EPHB1: variants seen among roughly 807,000 people sequenced by gnomAD.
EPHB1 encodes ephrin type-B receptor 1.
Under a neutral mutation model 94.4 loss-of-function variants are expected in EPHB1, and 30 were observed. The observed-to-expected ratio is 0.32, with a 90% CI of 0.24 to 0.43. The LOEUF (loss-of-function observed/expected upper bound fraction) is 0.43. Ranked by LOEUF, EPHB1 falls within the 20% of genes least tolerant of loss-of-function variation. EPHB1 has a pLI of 1.00. For missense variants in EPHB1, 1,055 were observed against 1,308.3 expected (o/e 0.81, Z 2.99); for synonymous variants, 522 against 489.1 (o/e 1.07, Z -0.89).
Position 135,145,406 on chromosome 3 carries a change from A to G in EPHB1, c.1298-8746A>G, listed in dbSNP as rs556281084. ...CATCACTCATAGCTTCTAGGATCTC[A>G]CAGAAGTCCCTCGAGGGGACTTCTG... On this transcript the variant is annotated intron_variant, in intron 5 of 15. Transcript: ENST00000398015. Among the ~76,000 whole-genome samples, 4 of 152,240 alleles carry G rather than the reference A, an allele frequency of 2.6e-5. No individual in the cohort carries two copies. In the South Asian group the frequency reaches 8.3e-4, roughly 32 times the overall value.
intron 11 of EPHB1, among the ~76,000 whole-genome samples, chr3:135,194,609 G>T (rs1942547134): frequency 2.0e-5 from 3 of 152,156 alleles, no homozygotes; most frequent in African/African-American, 7.2e-5. Context: ...AGTGTGGAAG[G>T]GTAGCTGGGG....
At chr3:134,897,005 A>C (rs901897514) in intron 1 of EPHB1, among the ~76,000 whole-genome samples, 1 of 152,212 alleles carries the variant, frequency 6.6e-6, no homozygotes. Context: ...GGCCTGGGCC[A>C]CACAGGGCCC....
chr3:135,137,746 T>C (rs549050995), intron 5 of EPHB1, among the ~76,000 whole-genome samples: 9 of 152,320 alleles, frequency 5.9e-5, no homozygotes, highest in Admixed American at 5.2e-4. Flanking sequence ...AACTATGCTA[T>C]GGACTGAGAG....
chr3:134,948,743 T>G (rs193140536), intron 2 of EPHB1, among the ~76,000 whole-genome samples: 28 of 152,356 alleles, frequency 1.8e-4, no homozygotes, highest in Admixed American at 3.9e-4. Flanking sequence ...GGACTGTGGA[T>G]GCGCCACTCC....
Position 135,248,455 on chromosome 3 carries a change from A to G in EPHB1, c.2636A>G (p.Asp879Gly). ...TTTGCGGAGATTGTCAACACCCTAGATAAGATGATCCGGAACCCGGCAAGT... is the reference window on the plus strand; with the variant it reads ...TTTGCGGAGATTGTCAACACCCTAGGTAAGATGATCCGGAACCCGGCAAGT... ...PRFAEIVNTL[D>G]KMIRNPASLK... is the part of the protein sequence containing the mutation. The change falls in exon 14 of 16, where the codon GAT (aspartate) becomes GGT (glycine). Residue 879 changes from aspartate (D) to glycine (G), a missense_variant. By Grantham distance (94) the Asp-to-Gly change is moderately conservative (BLOSUM62 -1). Transcript: ENST00000398015. The G allele has an allele frequency of 1.2e-6, 2 of 1,613,556 alleles. No individual in the cohort carries two copies. The highest frequency in any genetic ancestry group is 1.7e-6 in the Non-Finnish European group (2 of 1,179,632).
At chr3:135,140,748 G>A (rs1179764407) in intron 5 of EPHB1, among the ~76,000 whole-genome samples, 1 of 152,146 alleles carries the variant, frequency 6.6e-6, no homozygotes, top group African/African-American at 2.4e-5. Flanking sequence ...GCAATTGCAG[G>A]GAGGGTGGTT....
chr3:134,904,570 G>A (rs184543779), intron 1 of EPHB1, among the ~76,000 whole-genome samples: 4 of 152,296 alleles, frequency 2.6e-5, no homozygotes, highest in Admixed American at 2.6e-4. Context: ...CACTTGCTGA[G>A]CCAGCGGATG....
intron 3 of EPHB1, among the ~76,000 whole-genome samples, chr3:135,049,264 G>T (rs1432908678): frequency 6.6e-6 from 1 of 152,164 alleles, no homozygotes; most frequent in Non-Finnish European, 1.5e-5. Context: ...TCTAACAAAC[G>T]CATTGGCTAA....
intron 4 of EPHB1, among the ~76,000 whole-genome samples, chr3:135,123,770 T>A (rs1440187220): frequency 6.7e-6 from 1 of 148,300 alleles, no homozygotes; most frequent in East Asian, 1.9e-4. Context: ...AAAAAGACTG[T>A]TCGTGCTGTT....
At chr3:134,803,532 AAACTTTCCAGGAGTCCT>A (rs2035973116) in intron 1 of EPHB1, among the ~76,000 whole-genome samples, 1 of 152,168 alleles carries the variant, frequency 6.6e-6, no homozygotes, top group Non-Finnish European at 1.5e-5. Context: ...GGAAGGGAAA[AAACTTTCCAGGAGTCCT>A]ACAGGCTGGC....
At chr3:134,819,783 T>C (rs1287026658) in intron 1 of EPHB1, among the ~76,000 whole-genome samples, 1 of 152,196 alleles carries the variant, frequency 6.6e-6, no homozygotes, top group East Asian at 1.9e-4. Context: ...TCTCTCACTT[T>C]TGTCTGCCTG....
intron 2 of EPHB1, among the ~76,000 whole-genome samples, chr3:134,935,946 G>C (rs73226283): frequency 6.6e-6 from 1 of 152,140 alleles, no homozygotes; most frequent in Non-Finnish European, 1.5e-5. Context: ...AAGGAAGGTG[G>C]CATCTCTCCC....
chr3:135,106,750 T>G, intron 4 of EPHB1, 147 bp downstream of exon 4: 1 of 1,014,922 alleles, frequency 9.9e-7, no homozygotes, highest in Non-Finnish European at 1.4e-6. Context: ...ATACAACTCC[T>G]ATGCTCGGAG....
intron 12 of EPHB1, among the ~76,000 whole-genome samples, chr3:135,203,755 C>T (rs1172060240): frequency 6.6e-6 from 1 of 152,102 alleles, no homozygotes; most frequent in East Asian, 1.9e-4. Flanking sequence ...TTTTATTCTA[C>T]AAAATTTGGA....
intron 9 of EPHB1, among the ~76,000 whole-genome samples, chr3:135,178,245 C>A (rs973292559): frequency 6.8e-6 from 1 of 147,578 alleles, no homozygotes; most frequent in Admixed American, 6.7e-5. Context: ...ATCATGAGGT[C>A]GGGAGTTCAA....
chr3:135,146,584 G>A (rs551528604), intron 5 of EPHB1, among the ~76,000 whole-genome samples: 7 of 152,276 alleles, frequency 4.6e-5, no homozygotes, highest in African/African-American at 1.7e-4. Flanking sequence ...TACTTTCTAG[G>A]TTGCTTCAGG....
chr3:135,018,361 A>G (rs1348906375), intron 3 of EPHB1, among the ~76,000 whole-genome samples: 1 of 152,152 alleles, frequency 6.6e-6, no homozygotes, highest in African/African-American at 2.4e-5. Context: ...TACACAGCCC[A>G]TCTGATGCTC....
chr3:135,154,062 C>G (rs557909633), intron 5 of EPHB1, 90 bp from the exon 6 acceptor site: 1 of 1,549,930 alleles, frequency 6.5e-7, no homozygotes, highest in Admixed American at 1.8e-5. Context: ...AAGCCGAATG[C>G]CATTTTTCTC....
intron 2 of EPHB1, among the ~76,000 whole-genome samples, chr3:134,934,069 A>G (rs1218886392): frequency 6.7e-6 from 1 of 149,732 alleles, no homozygotes; most frequent in African/African-American, 2.5e-5. Flanking sequence ...TAGGCCTCCC[A>G]CCCACTCTTT....
Sources: allele counts gnomAD v4.1 joint callset (sites outside exome capture counted in the v4.1 genomes callset), GRCh38; gene constraint gnomAD v4.1.1; transcripts MANE v1.5; gene names NCBI Gene and HGNC (gene_info 2026-07-23, HGNC 2026-07-21).